CPED1: variants seen among roughly 807,000 people sequenced by gnomAD.
CPED1 encodes the protein cadherin-like and PC-esterase domain-containing protein 1.
Under a neutral mutation model 128.2 loss-of-function variants are expected in CPED1, and 114 were observed. The observed-to-expected ratio is 0.89, with a 90% CI of 0.76 to 1.04. The LOEUF (loss-of-function observed/expected upper bound fraction) is 1.04. CPED1 is among the 50% of genes least tolerant of loss of function. The pLI is 0.00. For missense variants in CPED1, 1,211 were observed against 1,207.1 expected (o/e 1.00, Z -0.05); for synonymous variants, 462 against 426.7 (o/e 1.08, Z -1.02).
At chr7:121,074,549 A>G (rs1794076537) in intron 5 of CPED1, among the ~76,000 whole-genome samples, 1 of 109,188 alleles carries the variant, frequency 9.2e-6, no homozygotes, top group African/African-American at 3.6e-5. Context: ...CATCTGCATT[A>G]AAAACCTGTT....
chr7:121,295,634 A>C lies in CPED1; in HGVS notation c.3063A>C (p.Ala1021=). ...AAATCCTTCTCAGCAGGATGTGTGC[A>C]AATAAAAGGACTATGTAGGCTCCCT... is the stretch of plus-strand genomic sequence containing the variant. ...CSEILLSRMC[A]NKRTM Residue 1021 remains alanine, a synonymous_variant, in exon 23 of 23, where the codon GCA becomes GCC. Coordinates refer to ENST00000310396, the MANE Select transcript of CPED1 (RefSeq NM_024913.5). The C allele has an allele frequency of 4.3e-6, 7 of 1,613,884 alleles. No individual in the cohort carries two copies. Among genetic ancestry groups the C allele is most frequent in the Non-Finnish European group, 5.9e-6 (7 of 1,179,812 alleles).
chr7:121,022,338 A>T (rs1272675411), intron 3 of CPED1, among the ~76,000 whole-genome samples: 1 of 152,008 alleles, frequency 6.6e-6, no homozygotes, highest in Non-Finnish European at 1.5e-5. Context: ...TAATGAAACC[A>T]TAAATATAGT....
chr7:121,156,394 T>C (rs1431235189), intron 16 of CPED1, among the ~76,000 whole-genome samples: 1 of 152,192 alleles, frequency 6.6e-6, no homozygotes, highest in Non-Finnish European at 1.5e-5. Flanking sequence ...CTCTCCTGTT[T>C]ATTGCAGCGC....
chr7:121,052,530 C>G (rs1254553928), intron 4 of CPED1, among the ~76,000 whole-genome samples: 2 of 152,066 alleles, frequency 1.3e-5, no homozygotes, highest in Non-Finnish European at 2.9e-5. Flanking sequence ...CGGACAGTCT[C>G]CAAGACACTT....
intron 18 of CPED1, among the ~76,000 whole-genome samples, chr7:121,263,988 G>C (rs952690976): frequency 3.9e-5 from 6 of 152,012 alleles, no homozygotes; most frequent in African/African-American, 1.4e-4. Context: ...TTTAGGAATA[G>C]GGCCTTTGAA....
chr7:121,175,303 G>A (rs1278834962), intron 16 of CPED1, among the ~76,000 whole-genome samples: 2 of 152,104 alleles, frequency 1.3e-5, no homozygotes, highest in African/African-American at 4.8e-5. Context: ...AGTTTTCAAG[G>A]GGAATGCTTC....
chr7:121,036,957 C>G (rs1792911711), intron 3 of CPED1, among the ~76,000 whole-genome samples: 2 of 151,988 alleles, frequency 1.3e-5, no homozygotes, highest in South Asian at 4.1e-4. Flanking sequence ...ATTGTCTATT[C>G]ATGTCTTTGG....
At chr7:121,295,346 G>T in intron 22 of CPED1, 94 bp from the exon 23 acceptor site, 1 of 1,420,642 alleles carries the variant, frequency 7.0e-7, no homozygotes, top group Non-Finnish European at 9.5e-7. Context: ...CAACATCTGT[G>T]TGGCAGAGAT....
intron 21 of CPED1, among the ~76,000 whole-genome samples, chr7:121,268,679 C>T (rs1193379285): frequency 1.3e-5 from 2 of 151,964 alleles, no homozygotes; most frequent in Admixed American, 6.6e-5. Flanking sequence ...CTCACAACAC[C>T]ACTGAGCTCA....
At chr7:121,172,382 G>GT (rs59530723) in intron 16 of CPED1, among the ~76,000 whole-genome samples, 1,621 of 141,760 alleles carry the variant, frequency 0.011, 9 homozygotes, top group African/African-American at 0.015. Context: ...AAATACTCTT[G>GT]TTTTTTTTTT....
chr7:121,183,062 G>T (rs888308314), intron 16 of CPED1, among the ~76,000 whole-genome samples: 1 of 151,882 alleles, frequency 6.6e-6, no homozygotes, highest in African/African-American at 2.4e-5. Flanking sequence ...CCAAGAAACT[G>T]CAGTTATTAA....
At chr7:121,219,430 GA>G (rs527587427) in intron 16 of CPED1, among the ~76,000 whole-genome samples, 15 of 151,770 alleles carry the variant, frequency 9.9e-5, no homozygotes, top group Admixed American at 7.9e-4. Flanking sequence ...GGTTGAAAAA[GA>G]AAAAAACTTT....
intron 16 of CPED1, among the ~76,000 whole-genome samples, chr7:121,200,792 C>T (rs1336563471): frequency 6.6e-6 from 1 of 152,050 alleles, no homozygotes; most frequent in Middle Eastern, 3.2e-3. Flanking sequence ...GAGAAACAAA[C>T]TTCTCTAGCC....
intron 5 of CPED1, among the ~76,000 whole-genome samples, chr7:121,090,809 C>G (rs1362342131): frequency 6.6e-6 from 1 of 151,972 alleles, no homozygotes; most frequent in Non-Finnish European, 1.5e-5. Context: ...ATTAACCGGG[C>G]ATGGTGGCGG....
intron 22 of CPED1, among the ~76,000 whole-genome samples, chr7:121,292,820 C>T (rs1046576193): frequency 1.3e-5 from 2 of 152,288 alleles, no homozygotes; most frequent in African/African-American, 4.8e-5. Flanking sequence ...CCACCCCAGG[C>T]CCTGTTTACC....
intron 22 of CPED1, among the ~76,000 whole-genome samples, chr7:121,289,978 C>T (rs933093389): frequency 1.3e-5 from 2 of 152,046 alleles, no homozygotes; most frequent in African/African-American, 4.8e-5. Context: ...CCTGACAGGC[C>T]CCAGTGTGTG....
chr7:121,146,987 G>A (rs1563044960), intron 16 of CPED1, among the ~76,000 whole-genome samples: 1 of 151,974 alleles, frequency 6.6e-6, no homozygotes, highest in African/African-American at 2.4e-5. Context: ...AGCACTCTTG[G>A]CCTCTATCCA....
chr7:121,020,580 A>G (rs1792414469), intron 3 of CPED1, among the ~76,000 whole-genome samples: 1 of 151,960 alleles, frequency 6.6e-6, no homozygotes, highest in South Asian at 2.1e-4. Flanking sequence ...GAGATGTTTC[A>G]TTTTTTAACT....
chr7:121,267,431 T>A, intron 21 of CPED1, 129 bp downstream of exon 21: 1 of 459,250 alleles, frequency 2.2e-6, no homozygotes, highest in Non-Finnish European at 3.8e-6. Flanking sequence ...GATTGTGCTT[T>A]AAGTTCCCTT....
Sources: gnomAD v4.1 joint callset for allele counts (sites outside exome capture counted in the v4.1 genomes callset) on GRCh38, gnomAD v4.1.1 for gene constraint, MANE v1.5 for transcripts, NCBI Gene and HGNC (gene_info 2026-07-23, HGNC 2026-07-21) for gene names.